MAPK8: variants seen among roughly 807,000 people sequenced by gnomAD.
The protein encoded by MAPK8 is JUN N-terminal kinase.
In MAPK8, 13 loss-of-function variants were observed where a neutral mutation model predicts 52.9. The ratio of observed to expected loss-of-function variants is 0.25; its 90% CI spans 0.16 to 0.39. The LOEUF is 0.39. Ranked by LOEUF, MAPK8 falls within the 10% of genes least tolerant of loss-of-function variation. The pLI is 1.00. For missense variants in MAPK8, 300 were observed against 519.2 expected (o/e 0.58, Z 4.10); for synonymous variants, 191 against 169.8 (o/e 1.12, Z -0.97).
intron 5 of MAPK8, among the ~76,000 whole-genome samples, chr10:48,417,127 A>G (rs2043109367): frequency 6.6e-6 from 1 of 152,210 alleles, no homozygotes; most frequent in African/African-American, 2.4e-5. Context: ...GACATTGCCA[A>G]ATATTATTTT....
intron 1 of MAPK8, among the ~76,000 whole-genome samples, chr10:48,376,406 T>G (rs2040664312): frequency 6.6e-6 from 1 of 151,964 alleles, no homozygotes; most frequent in South Asian, 2.1e-4. Context: ...ATTAAAGAGT[T>G]TCTGCACAGC....
At chr10:48,371,168 C>T (rs1049457281) in intron 1 of MAPK8, among the ~76,000 whole-genome samples, 1 of 151,994 alleles carries the variant, frequency 6.6e-6, no homozygotes, top group Non-Finnish European at 1.5e-5. Context: ...TTTTTAAAAT[C>T]TCCCCAATAT....
At chr10:48,383,868 A>T (rs185615466) in intron 1 of MAPK8, among the ~76,000 whole-genome samples, 50 of 152,286 alleles carry the variant, frequency 3.3e-4, no homozygotes, top group African/African-American at 1.2e-3. Flanking sequence ...TTCTAAAGGG[A>T]TGACACTTAA....
chr10:48,384,469 G>T (rs1415640056), intron 1 of MAPK8, among the ~76,000 whole-genome samples: 1 of 152,124 alleles, frequency 6.6e-6, no homozygotes, highest in Non-Finnish European at 1.5e-5. Flanking sequence ...TTGTTGAATG[G>T]GTGGTCTTTT....
intron 1 of MAPK8, among the ~76,000 whole-genome samples, chr10:48,335,828 A>G (rs1844631993): frequency 6.6e-6 from 1 of 152,220 alleles, no homozygotes; most frequent in South Asian, 2.1e-4. Context: ...CCAGAATTTA[A>G]CAAGGTAACT....
Position 48,438,804 on chromosome 10 carries a change from A to G in MAPK8, c.*3775A>G, listed in dbSNP as rs143103875. Reference sequence around the variant, plus strand: ...AGACACGTGTAAAATCTTTGACTGTATGTCTTGCAAAATTGTGCTCGTTGA... The same window carrying G: ...AGACACGTGTAAAATCTTTGACTGTGTGTCTTGCAAAATTGTGCTCGTTGA... On this transcript the variant is annotated 3_prime_UTR_variant, in exon 12 of 12. Transcript: ENST00000374189. The G allele has an allele frequency of 2.6e-5, 4 of 152,322 alleles. No individual in the cohort carries two copies. The highest frequency in any genetic ancestry group is 9.6e-5 in the African/African-American group (4 of 41,570). 9.4% of individuals were successfully genotyped at this position (152,322 alleles called of 1,614,324 possible). A position where few individuals can be genotyped will look rare whatever the true frequency, so the allele number is the denominator to read the frequency against.
chr10:48,397,616 A>T (rs554469677), intron 1 of MAPK8, among the ~76,000 whole-genome samples: 14 of 152,146 alleles, frequency 9.2e-5, no homozygotes, highest in Admixed American at 9.2e-4. Flanking sequence ...TTTGAGACAG[A>T]GTCTCATTCT....
At chr10:48,377,372 A>C (rs988362725) in intron 1 of MAPK8, among the ~76,000 whole-genome samples, 1 of 146,002 alleles carries the variant, frequency 6.8e-6, no homozygotes, top group Admixed American at 6.9e-5. Flanking sequence ...AAAAAAAAAT[A>C]CATTTCTTGG....
chr10:48,414,568 ATT>A (rs3047769), intron 5 of MAPK8, among the ~76,000 whole-genome samples: 4,552 of 88,288 alleles, frequency 0.052, 62 homozygotes, highest in African/African-American at 0.083. Context: ...GTTGAAAAGA[ATT>A]TTTTTTTTTT....
At chr10:48,368,570 C>G (rs1049775964) in intron 1 of MAPK8, among the ~76,000 whole-genome samples, 6 of 152,212 alleles carry the variant, frequency 3.9e-5, no homozygotes, top group African/African-American at 1.2e-4. Context: ...CTGGAATCCC[C>G]TAGTTCTTGG....
intron 1 of MAPK8, among the ~76,000 whole-genome samples, chr10:48,347,105 C>T (rs78684960): frequency 0.036 from 5,539 of 152,158 alleles, 283 homozygotes; most frequent in African/African-American, 0.11. Context: ...CTCTCGTTGC[C>T]GCACACAGGG....
At chr10:48,338,666 T>TA (rs993970853) in intron 1 of MAPK8, among the ~76,000 whole-genome samples, 4 of 152,046 alleles carry the variant, frequency 2.6e-5, no homozygotes, top group Non-Finnish European at 5.9e-5. Context: ...ATCCTGTACC[T>TA]AAAAAAACCC....
intron 1 of MAPK8, among the ~76,000 whole-genome samples, chr10:48,331,849 C>G (rs916458125): frequency 6.6e-6 from 1 of 152,124 alleles, no homozygotes; most frequent in Non-Finnish European, 1.5e-5. Context: ...CAAGTATTTT[C>G]TTGGGGCTGT....
At chr10:48,345,258 C>T (rs1214043499) in intron 1 of MAPK8, among the ~76,000 whole-genome samples, 1 of 152,180 alleles carries the variant, frequency 6.6e-6, no homozygotes, top group Non-Finnish European at 1.5e-5. Context: ...CCCAATACTT[C>T]TGTGAATTAC....
chr10:48,424,374 A>T, intron 7 of MAPK8: 1 of 644,762 alleles, frequency 1.6e-6, no homozygotes, highest in Non-Finnish European at 2.6e-6. Flanking sequence ...TAGTCAGAGC[A>T]CATTCACTGT....
intron 1 of MAPK8, among the ~76,000 whole-genome samples, chr10:48,349,412 A>T (rs539109874): frequency 6.6e-6 from 1 of 152,192 alleles, no homozygotes; most frequent in East Asian, 1.9e-4. Context: ...AGCAGAAATC[A>T]TAACAGTCTC....
At chr10:48,418,908 G>C (rs1447261625) in intron 5 of MAPK8, among the ~76,000 whole-genome samples, 1 of 152,140 alleles carries the variant, frequency 6.6e-6, no homozygotes. Context: ...CTAGTATAAA[G>C]AGCCAGTAAC....
chr10:48,359,701 G>A (rs1422058367), intron 1 of MAPK8, among the ~76,000 whole-genome samples: 4 of 151,936 alleles, frequency 2.6e-5, no homozygotes, highest in East Asian at 1.9e-4. Flanking sequence ...TAGGTTAATC[G>A]GATAGACACA....
intron 5 of MAPK8, among the ~76,000 whole-genome samples, chr10:48,419,836 A>G (rs1184410000): frequency 3.3e-5 from 5 of 152,202 alleles, no homozygotes; most frequent in Admixed American, 6.5e-5. Flanking sequence ...TTCTTTTACT[A>G]TAGTAGTTTT....
Sources: gnomAD v4.1 joint callset for allele counts (sites outside exome capture counted in the v4.1 genomes callset) on GRCh38, gnomAD v4.1.1 for gene constraint, MANE v1.5 for transcripts, NCBI Gene and HGNC (gene_info 2026-07-23, HGNC 2026-07-21) for gene names.